DENND1A: variants seen among roughly 807,000 people sequenced by gnomAD.
The protein encoded by DENND1A is DENN domain-containing protein 1A.
A neutral mutation model predicts 113.7 loss-of-function variants in DENND1A; 51 were observed. That is an observed-to-expected ratio of 0.45 (90% CI 0.36 to 0.57). The LOEUF (loss-of-function observed/expected upper bound fraction) is 0.57, where lower values mean the gene tolerates loss of function less well. Ranked by LOEUF, DENND1A falls within the 20% of genes least tolerant of loss-of-function variation. The pLI is 0.00. For missense variants in DENND1A, 1,258 were observed against 1,395.9 expected (o/e 0.90, Z 1.57); for synonymous variants, 565 against 570.8 (o/e 0.99, Z 0.14).
chr9:123,639,731 C>T (rs555589671), intron 9 of DENND1A, among the ~76,000 whole-genome samples: 1 of 149,210 alleles, frequency 6.7e-6, no homozygotes, highest in South Asian at 2.2e-4. Flanking sequence ...GAGCCAAGAT[C>T]TCGCCACTGC....
intron 1 of DENND1A, among the ~76,000 whole-genome samples, chr9:123,879,553 T>TAC (rs138124573): frequency 0.018 from 2,642 of 150,098 alleles, 64 homozygotes; most frequent in African/African-American, 0.051. Context: ...AATAAAATTA[T>TAC]ACACACACAC....
At chr9:123,790,091 AC>A (rs1049144195) in intron 3 of DENND1A, among the ~76,000 whole-genome samples, 1 of 152,098 alleles carries the variant, frequency 6.6e-6, no homozygotes, top group African/African-American at 2.4e-5. Flanking sequence ...ATGTTTTAAT[AC>A]TAGAAATGTT....
At chr9:123,402,698 G>A (rs1248614759) in intron 21 of DENND1A, 1 of 497,902 alleles carries the variant, frequency 2.0e-6, no homozygotes, top group Non-Finnish European at 4.1e-6. Flanking sequence ...AAGGGAAGCA[G>A]TGCTACCTTC....
chr9:123,919,203 G>A (rs1428076535), intron 1 of DENND1A, among the ~76,000 whole-genome samples: 1 of 152,032 alleles, frequency 6.6e-6, no homozygotes, highest in East Asian at 1.9e-4. Context: ...CGGGTGCAGT[G>A]GCTCATGCCT....
chr9:123,909,941 A>G lies in DENND1A; in HGVS notation c.17+19948T>C, dbSNP rs891091815. 5.7e-4 allele frequency among the ~76,000 whole-genome samples: 86 copies of G among 152,104 alleles called. 1 individual carries two copies. Among genetic ancestry groups the G allele is most frequent in the Middle Eastern group, 3.4e-3 (1 of 294 alleles). ...GCAATGCCATTTACAATAGTATGGG[A>G]AAAAAAATCAAAGAACTACAAATAA... On this transcript the variant is annotated intron_variant, in intron 1 of 23. Coordinates refer to ENST00000394215, the MANE Select transcript of DENND1A (RefSeq NM_001352964.2).
intron 11 of DENND1A, among the ~76,000 whole-genome samples, chr9:123,608,950 A>T (rs1465572316): frequency 6.6e-6 from 1 of 152,240 alleles, no homozygotes; most frequent in Non-Finnish European, 1.5e-5. Context: ...ATATTTATAC[A>T]AAACATATAT....
At chr9:123,883,064 T>C (rs1320111012) in intron 1 of DENND1A, among the ~76,000 whole-genome samples, 1 of 152,194 alleles carries the variant, frequency 6.6e-6, no homozygotes, top group Non-Finnish European at 1.5e-5. Flanking sequence ...AGAAGTCCCA[T>C]CTTACAGTCC....
chr9:123,829,384 A>G (rs918424660), intron 2 of DENND1A, among the ~76,000 whole-genome samples: 1 of 151,996 alleles, frequency 6.6e-6, no homozygotes, highest in Admixed American at 6.6e-5. Flanking sequence ...ATGAACTCAC[A>G]AAAAAAATTC....
Position 123,671,308 on chromosome 9 carries a change from A to G in DENND1A, c.436T>C (p.Ser146Pro). The change falls in exon 7 of 24, where the codon TCT becomes CCT. Residue 146 changes from serine to proline, a missense_variant. This residue lies in a region of DENND1A where 1,159 missense variants were observed against 1,231.7 expected (regional missense o/e 0.94). Coordinates refer to ENST00000394215, the MANE Select transcript of DENND1A (RefSeq NM_001352964.2). ...CCACTTACCACGCTGAGATGGACAGACACTCCTGGGTCAGGGATGGGAAGT... is the reference window on the plus strand; with the variant it reads ...CCACTTACCACGCTGAGATGGACAGGCACTCCTGGGTCAGGGATGGGAAGT... ...HKLPIPDPGV[S>P]VHLSVHSYFT... 6.2e-7 allele frequency: 1 copy of G among 1,614,052 alleles called. No individual in the cohort carries two copies. Among genetic ancestry groups the G allele is most frequent in the East Asian group, 2.2e-5 (1 of 44,884 alleles).
intron 5 of DENND1A, among the ~76,000 whole-genome samples, chr9:123,689,144 C>T (rs2065009193): frequency 6.6e-6 from 1 of 152,162 alleles, no homozygotes. Context: ...CCCACCTCAG[C>T]CTCCCAAGTA....
chr9:123,649,046 AC>A (rs2062498713), intron 9 of DENND1A, among the ~76,000 whole-genome samples: 1 of 152,172 alleles, frequency 6.6e-6, no homozygotes, highest in Admixed American at 6.5e-5. Context: ...AGCTTCCGCA[AC>A]CCATTCTTTT....
At chr9:123,552,012 C>A (rs371207824) in intron 13 of DENND1A, among the ~76,000 whole-genome samples, 77 of 68,534 alleles carry the variant, frequency 1.1e-3, no homozygotes, top group African/African-American at 3.0e-3. Context: ...CGAGAGAGAG[C>A]GAGAGCGAGA....
intron 4 of DENND1A, among the ~76,000 whole-genome samples, chr9:123,760,772 C>T (rs2070969606): frequency 6.6e-6 from 1 of 152,132 alleles, no homozygotes; most frequent in South Asian, 2.1e-4. Flanking sequence ...AGCATTCTAG[C>T]TCACATAATT....
chr9:123,789,080 T>TA (rs35772080), intron 3 of DENND1A, among the ~76,000 whole-genome samples: 1 of 151,236 alleles, frequency 6.6e-6, no homozygotes, highest in Non-Finnish European at 1.5e-5. Flanking sequence ...TTTTTTCTTT[T>TA]AAAAAAAATA....
chr9:123,501,393 C>T (rs974740894), intron 13 of DENND1A, among the ~76,000 whole-genome samples: 6 of 152,214 alleles, frequency 3.9e-5, no homozygotes, highest in African/African-American at 9.6e-5. Flanking sequence ...AATAGTGCTG[C>T]TCTGAACATG....
chr9:123,754,006 C>A (rs1359300962), intron 5 of DENND1A, among the ~76,000 whole-genome samples: 7 of 152,164 alleles, frequency 4.6e-5, no homozygotes, highest in Non-Finnish European at 7.4e-5. Context: ...ATCCTGGAAC[C>A]ACAGGGGCTA....
intron 19 of DENND1A, among the ~76,000 whole-genome samples, chr9:123,415,732 C>T (rs78471846): frequency 2.0e-5 from 3 of 152,312 alleles, no homozygotes; most frequent in Non-Finnish European, 2.9e-5. Context: ...AGGCCAGTCA[C>T]GAGGGCCCTG....
chr9:123,392,838 C>A (rs1329058257), intron 21 of DENND1A, among the ~76,000 whole-genome samples: 1 of 152,146 alleles, frequency 6.6e-6, no homozygotes, highest in Admixed American at 6.5e-5. Context: ...GCCGAGGCCC[C>A]AGAGTCCCTT....
At position 123,381,294 on chromosome 9, in the gene DENND1A, G is replaced by GGAGGGGGCAGCAGA. The variant is rs1401957949; in HGVS notation, c.*124_*137dup. 1 of 772,158 alleles carries GGAGGGGGCAGCAGA rather than the reference G, an allele frequency of 1.3e-6. No homozygotes were observed. The highest frequency in any genetic ancestry group is 2.5e-5 in the Admixed American group (1 of 39,334). The allele number at this position is 772,158 out of a possible 1,614,324, so 47.8% of individuals were successfully genotyped here. On this transcript the variant is annotated 3_prime_UTR_variant, in exon 24 of 24. Coordinates refer to ENST00000394215, the MANE Select transcript of DENND1A (RefSeq NM_001352964.2). This position sits in a 1 kb window ranked among gnomAD's most constrained non-coding sequence, Gnocchi z 4.7. The stretch of plus-strand genomic sequence containing the variant: ...TCAGAGATGGGCAGTGTGGAGGGGA[G>GGAGGGGGCAGCAGA]GAGGGGGCAGCAGAGAGGGGTCCCA...
Sources: gnomAD v4.1 joint callset for allele counts (sites outside exome capture counted in the v4.1 genomes callset) on GRCh38, gnomAD v4.1.1 for gene constraint, gnomAD v4.1.1 regional missense constraint, Gnocchi (gnomAD v3.1) non-coding constraint, MANE v1.5 for transcripts, NCBI Gene and HGNC (gene_info 2026-07-23, HGNC 2026-07-21) for gene names.